Variants in XKR9 observed in about 807,000 individuals in gnomAD.
XKR9 encodes XK related 9, also known as XK-related protein 9.
A neutral mutation model predicts 32.0 loss-of-function variants in XKR9; 32 were observed. The observed-to-expected ratio is 1.00, with a 90% CI of 0.76 to 1.34. The LOEUF (loss-of-function observed/expected upper bound fraction) is 1.34, where lower values mean the gene tolerates loss of function less well. Among genes scored for constraint, XKR9 ranks in the 40% most tolerant of loss-of-function variants. The probability of loss-of-function intolerance (pLI) is 0.00; values close to 1 mark genes in which losing one functional copy is unlikely to be tolerated. For missense variants in XKR9, 546 were observed against 429.7 expected, an observed-to-expected ratio of 1.27 and a Z score of -2.39; for synonymous variants, 168 against 143.4, an observed-to-expected ratio of 1.17 and a Z score of -1.22.
Position 70,735,718 on chromosome 8 carries a change from G to GT in XKR9, c.*1300dup, listed in dbSNP as rs1159059664. The GT allele has an allele frequency of 6.7e-6, 1 of 149,330 alleles. No individual in the cohort carries two copies. The highest frequency in any genetic ancestry group is 1.5e-5 in the Non-Finnish European group (1 of 67,630). The allele number at this position is 149,330 out of a possible 1,614,324, so 9.3% of individuals were successfully genotyped here. On this transcript the variant is annotated 3_prime_UTR_variant, in exon 5 of 5. Coordinates refer to ENST00000408926, the MANE Select transcript of XKR9 (RefSeq NM_001011720.2). ...TATGAGTGAGAATATGCAGTGTTTG[G>GT]TTTTTTGTTCTTGCGATAGTTTACT...
At chr8:70,742,834 C>T (rs1453239276) in intron 2 of XKR9, among the ~76,000 whole-genome samples, 1 of 151,946 alleles carries the variant, frequency 6.6e-6, no homozygotes, top group East Asian at 1.9e-4. Flanking sequence ...GAGATTTTTA[C>T]CTTTAGCTGT....
chr8:70,807,175 G>A, the XKR9 span, among the ~76,000 whole-genome samples: 1 of 152,128 alleles, frequency 6.6e-6, no homozygotes, highest in Non-Finnish European at 1.5e-5. Flanking sequence ...AGCTTCATAA[G>A]CAATGGAGAA....
At chr8:70,678,276 T>C (rs901148226) in intron 2 of XKR9, 12 of 152,208 alleles carry the variant, frequency 7.9e-5, no homozygotes, top group Non-Finnish European at 1.6e-4. Flanking sequence ...GATTTATTAA[T>C]TATTTTTTAT....
the XKR9 span, among the ~76,000 whole-genome samples, chr8:70,797,593 G>T: frequency 6.6e-6 from 1 of 151,634 alleles, no homozygotes; most frequent in Non-Finnish European, 1.5e-5. Context: ...AGGTTCAGGG[G>T]TACAATGTGC....
the XKR9 span, among the ~76,000 whole-genome samples, chr8:71,007,065 C>G: frequency 2.6e-5 from 4 of 152,190 alleles, no homozygotes; most frequent in East Asian, 7.7e-4. Flanking sequence ...TGAATGGAAC[C>G]TCCTCCTCCC....
chr8:70,854,532 TC>T, the XKR9 span, among the ~76,000 whole-genome samples: 1 of 152,224 alleles, frequency 6.6e-6, no homozygotes, highest in African/African-American at 2.4e-5. Flanking sequence ...TTTAATTAGA[TC>T]CCATTTGTCA....
the XKR9 span, among the ~76,000 whole-genome samples, chr8:70,840,567 A>G: frequency 1.3e-5 from 2 of 152,254 alleles, no homozygotes; most frequent in East Asian, 3.9e-4. Flanking sequence ...TATCTCCACT[A>G]TGTCATTCAT....
At chr8:71,033,261 T>C in the XKR9 span, among the ~76,000 whole-genome samples, 40 of 152,310 alleles carry the variant, frequency 2.6e-4, no homozygotes, top group African/African-American at 9.6e-4. Context: ...AATGATTTAA[T>C]TTCTTTGTGT....
intron 4 of XKR9, among the ~76,000 whole-genome samples, chr8:70,728,618 C>T (rs1806556540): frequency 6.6e-6 from 1 of 152,176 alleles, no homozygotes; most frequent in African/African-American, 2.4e-5. Flanking sequence ...TTTGTCCAAA[C>T]TGCAGAAAAA....
intron 3 of XKR9, among the ~76,000 whole-genome samples, chr8:70,698,814 G>A (rs1347267533): frequency 1.3e-5 from 2 of 152,072 alleles, no homozygotes; most frequent in Non-Finnish European, 2.9e-5. Context: ...TATTGTGTGG[G>A]AATCTAAGTC....
At chr8:70,878,787 A>G in the XKR9 span, among the ~76,000 whole-genome samples, 26 of 152,030 alleles carry the variant, frequency 1.7e-4, no homozygotes, top group Admixed American at 7.2e-4. Flanking sequence ...ATTGAACTCA[A>G]CTCTGCACCA....
chr8:70,785,566 C>CT (rs112823069), intron 2 of XKR9, among the ~76,000 whole-genome samples: 49,355 of 149,286 alleles, frequency 0.33, 9,291 homozygotes, highest in Non-Finnish European at 0.43. Context: ...TTAGTTTCTT[C>CT]TTTTTTTATA....
intron 2 of XKR9, among the ~76,000 whole-genome samples, chr8:70,765,096 G>C (rs571582125): frequency 1.3e-5 from 2 of 152,100 alleles, no homozygotes; most frequent in African/African-American, 4.8e-5. Flanking sequence ...ATAATCCTTT[G>C]GGAATATACC....
the XKR9 span, among the ~76,000 whole-genome samples, chr8:70,885,034 A>T: frequency 0.57 from 85,995 of 151,760 alleles, 25,370 homozygotes; most frequent in Middle Eastern, 0.62. Context: ...TTTGTTTAGT[A>T]CTTGTTTTAT....
At chr8:70,844,860 CA>C in the XKR9 span, among the ~76,000 whole-genome samples, 1 of 152,204 alleles carries the variant, frequency 6.6e-6, no homozygotes, top group Admixed American at 6.5e-5. Flanking sequence ...GATGTCCCCC[CA>C]CTGCTGCTGC....
intron 2 of XKR9, among the ~76,000 whole-genome samples, chr8:70,762,696 A>T (rs897662722): frequency 6.6e-6 from 1 of 152,172 alleles, no homozygotes; most frequent in Non-Finnish European, 1.5e-5. Flanking sequence ...TCAGCTGTTC[A>T]TGTCAACAAA....
chr8:70,856,891 T>C, the XKR9 span, among the ~76,000 whole-genome samples: 1 of 151,924 alleles, frequency 6.6e-6, no homozygotes, highest in Non-Finnish European at 1.5e-5. Context: ...CATAACAAAA[T>C]GAAGGCAGAA....
the XKR9 span, among the ~76,000 whole-genome samples, chr8:71,049,754 T>C: frequency 6.6e-6 from 1 of 152,098 alleles, no homozygotes; most frequent in Non-Finnish European, 1.5e-5. Flanking sequence ...CAGAAGAGCC[T>C]CGTTTAAGGA....
the XKR9 span, among the ~76,000 whole-genome samples, chr8:70,978,167 G>A: frequency 4.6e-5 from 7 of 152,070 alleles, no homozygotes; most frequent in South Asian, 1.0e-3. Flanking sequence ...CGGCACACTG[G>A]TGGGTCTTGA....
Sources: gnomAD v4.1 joint callset for allele counts (sites outside exome capture counted in the v4.1 genomes callset) on GRCh38, gnomAD v4.1.1 for gene constraint, MANE v1.5 for transcripts, NCBI Gene and HGNC (gene_info 2026-07-23, HGNC 2026-07-21) for gene names.